Variants in CA12 observed in about 807,000 individuals in gnomAD.
CA12 encodes the protein carbonate dehydratase XII.
CA12 carries 36 observed loss-of-function variants against 46.8 expected under a neutral mutation model. The observed-to-expected ratio is 0.77, with a 90% confidence interval of 0.59 to 1.02. The LOEUF is 1.02. Among genes scored for constraint, CA12 ranks in the 50% least tolerant of loss-of-function variants. The pLI is 0.00. For synonymous variants in CA12, 202 were observed against 187.0 expected (o/e 1.08, Z -0.65); for missense variants, 436 against 451.4 (o/e 0.97, Z 0.31).
At chr15:63,380,695 ATGGGCACTG>A (rs1292415229) in intron 1 of CA12, among the ~76,000 whole-genome samples, 3 of 152,100 alleles carry the variant, frequency 2.0e-5, no homozygotes, top group African/African-American at 7.2e-5. Context: ...GCCCTTCCCC[ATGGGCACTG>A]TGACCTCCAA....
chr15:63,345,314 C>A lies in CA12; in HGVS notation c.429+163G>T, dbSNP rs368624306. ...CAGGACAGTGCAGATGAGCTACAGG[C>A]TAGTGGAGTGGCTGCGCCCCTTGTG... On this transcript the variant is annotated intron_variant, in intron 4 of 10. Coordinates refer to ENST00000178638, the MANE Select transcript of CA12 (RefSeq NM_001218.5). The surrounding 1 kb of genome is among the most constrained non-coding windows in gnomAD (Gnocchi z 4.3). Among the ~76,000 whole-genome samples, 4 of 152,352 alleles carry A rather than the reference C, an allele frequency of 2.6e-5. No homozygotes were observed. The highest frequency in any genetic ancestry group is 1.9e-4 in the East Asian group (1 of 5,188).
At chr15:63,368,542 T>G (rs1304364828) in intron 2 of CA12, among the ~76,000 whole-genome samples, 3 of 152,188 alleles carry the variant, frequency 2.0e-5, no homozygotes. Flanking sequence ...CCTTTTTACT[T>G]GAAAGATTTA....
At chr15:63,375,887 G>T (rs955059055) in intron 1 of CA12, among the ~76,000 whole-genome samples, 3 of 150,904 alleles carry the variant, frequency 2.0e-5, no homozygotes, top group South Asian at 2.1e-4. Context: ...TCGGCTCACT[G>T]CAACCTCTGC....
rs1221584983 is a variant in CA12 at position 63,373,612 on chromosome 15, A to C, written c.106+2046T>G. 6.6e-6 allele frequency among the ~76,000 whole-genome samples: 1 copy of C among 152,118 alleles called. No homozygotes were observed. The stretch of plus-strand genomic sequence containing the variant: ...GAGTGCAGCTAAGAATCACTTGGGG[A>C]GTGCGTTAAGAATACAGGTTTTTCA... On this transcript the variant is annotated intron_variant, in intron 2 of 10. Coordinates refer to ENST00000178638, the MANE Select transcript of CA12 (RefSeq NM_001218.5). The surrounding 1 kb of genome is among the most constrained non-coding windows in gnomAD (Gnocchi z 4.9).
chr15:63,338,844 C>T lies in CA12; in HGVS notation c.849G>A (p.Arg283=), dbSNP rs752130659. 1.2e-6 allele frequency: 2 copies of T among 1,614,186 alleles called. No individual in the cohort carries two copies. Among genetic ancestry groups the T allele is most frequent in the East Asian group, 4.5e-5 (2 of 44,884 alleles). ...CTTGGGAGAAGGAGGTGTATACCAGCCTCTCATCGAACTTCTGGACCTGCC... is the reference window on the plus strand; with the variant it reads ...CTTGGGAGAAGGAGGTGTATACCAGTCTCTCATCGAACTTCTGGACCTGCC... ...NFRQVQKFDE[R]LVYTSFSQVQ... is the part of the protein sequence containing the mutation. The change falls in exon 8 of 11, where the codon AGG becomes AGA. Residue 283 remains arginine, a synonymous_variant. Coordinates refer to ENST00000178638, the MANE Select transcript of CA12 (RefSeq NM_001218.5).
chr15:63,331,896 C>G lies in CA12; in HGVS notation c.875-3766G>C, dbSNP rs1427066865. 1.3e-5 allele frequency: 2 copies of G among 152,140 alleles called. No individual in the cohort carries two copies. The highest frequency in any genetic ancestry group is 2.9e-5 in the Non-Finnish European group (2 of 68,024). The allele number at this position is 152,140 out of a possible 1,614,324, so 9.4% of individuals were successfully genotyped here. A position where few individuals can be genotyped will look rare whatever the true frequency, so the allele number is the denominator to read the frequency against. The stretch of plus-strand genomic sequence containing the variant: ...AGAGTCCAGCACGAGGAACAAGCAC[C>G]TCACTTTCACATCTGGAGGTTCCTG... On this transcript the variant is annotated intron_variant, in intron 8 of 10. Transcript: ENST00000178638. The surrounding 1 kb of genome is among the most constrained non-coding windows in gnomAD (Gnocchi z 5.3).
At position 63,322,047 on chromosome 15, in the gene CA12, A is replaced by G. The variant is rs925706102; in HGVS notation, c.*4238T>C. On this transcript the variant is annotated 3_prime_UTR_variant, in exon 11 of 11. Coordinates refer to ENST00000178638, the MANE Select transcript of CA12 (RefSeq NM_001218.5). The surrounding 1 kb of genome is among the most constrained non-coding windows in gnomAD (Gnocchi z 4.1). ...TCGTCCGGGTCTGCGCAGGGCATGG[A>G]TCTTGAGCGCTTGGAATGTGACTTA... The G allele has an allele frequency of 1.3e-5, 2 of 152,100 alleles. No homozygotes were observed. Among genetic ancestry groups the G allele is most frequent in the African/African-American group, 4.8e-5 (2 of 41,404 alleles). 9.4% of individuals were successfully genotyped at this position (152,100 alleles called of 1,614,324 possible). A position where few individuals can be genotyped will look rare whatever the true frequency, so the allele number is the denominator to read the frequency against.
At chr15:63,351,142 A>C (rs953443629) in intron 2 of CA12, among the ~76,000 whole-genome samples, 1 of 152,224 alleles carries the variant, frequency 6.6e-6, no homozygotes, top group African/African-American at 2.4e-5. Context: ...TATGGCCTAG[A>C]TTACAGCTTG....
At chr15:63,346,904 T>C (rs772491606) in intron 2 of CA12, among the ~76,000 whole-genome samples, 195 bp from the exon 3 acceptor site, 7 of 152,170 alleles carry the variant, frequency 4.6e-5, no homozygotes, top group Non-Finnish European at 8.8e-5. Context: ...TCTTAAGTGA[T>C]GTGGGGAAAG....
chr15:63,338,686 G>T, intron 8 of CA12, 133 bp downstream of exon 8: 1 of 1,196,306 alleles, frequency 8.4e-7, no homozygotes, highest in Non-Finnish European at 1.2e-6. Context: ...CAAGGCGCCT[G>T]GTTCCCGTGG....
chr15:63,345,723 G>T lies in CA12; in HGVS notation c.287-104C>A. 7.0e-7 allele frequency: 1 copy of T among 1,433,692 alleles called. No individual in the cohort carries two copies. The highest frequency in any genetic ancestry group is 2.5e-5 in the East Asian group (1 of 40,528). The allele number at this position is 1,433,692 out of a possible 1,614,324, so 88.8% of individuals were successfully genotyped here. On this transcript the variant is annotated intron_variant, in intron 3 of 10. Coordinates refer to ENST00000178638, the MANE Select transcript of CA12 (RefSeq NM_001218.5). This position sits in a 1 kb window ranked among gnomAD's most constrained non-coding sequence, Gnocchi z 4.3. The stretch of plus-strand genomic sequence containing the variant: ...CCTCCACCCCTGCTGCCACCCCCTG[G>T]AGCCCAGAGAGAGGCAGGTGGATGG...
In CA12 at chr15:63,327,182, A is replaced by G. The variant is rs1278366112; in HGVS notation, c.959T>C (p.Val320Ala). 1.2e-6 allele frequency: 2 copies of G among 1,614,106 alleles called. No individual in the cohort carries two copies. Among genetic ancestry groups the G allele is most frequent in the Admixed American group, 3.3e-5 (2 of 60,022 alleles). ...LAGILGICIV[V>A]VVSIWLFRRK... is the part of the protein sequence containing the mutation. The stretch of plus-strand genomic sequence containing the variant: ...TCTGAAAAGCCAAATGGACACCACC[A>G]CCACAATACAGATGCCAAGAATGCC... The change falls in exon 10 of 11, where the codon GTG becomes GCG. Residue 320 changes from valine (V) to alanine (A), a missense_variant. Transcript: ENST00000178638. The surrounding 1 kb of genome is among the most constrained non-coding windows in gnomAD (Gnocchi z 4.5).
In CA12 at chr15:63,329,077, G is replaced by A. The variant is rs1483089405; in HGVS notation, c.875-947C>T. Among the ~76,000 whole-genome samples, 1 of 152,216 alleles carries A rather than the reference G, an allele frequency of 6.6e-6. No individual in the cohort carries two copies. Among genetic ancestry groups the A allele is most frequent in the Non-Finnish European group, 1.5e-5 (1 of 68,046 alleles). On this transcript the variant is annotated intron_variant, in intron 8 of 10. Coordinates refer to ENST00000178638, the MANE Select transcript of CA12 (RefSeq NM_001218.5). The surrounding 1 kb of genome is among the most constrained non-coding windows in gnomAD (Gnocchi z 4.8). ...TAGGGATCAAAGCCTGCTTGGGCAG[G>A]CTCCTGTCCATGTCCCTGGTACCTG...
rs999794460 is a variant in CA12 at position 63,330,997 on chromosome 15, T to G, written c.875-2867A>C. On this transcript the variant is annotated intron_variant, in intron 8 of 10. Transcript: ENST00000178638. The surrounding 1 kb of genome is among the most constrained non-coding windows in gnomAD (Gnocchi z 4.0). The stretch of plus-strand genomic sequence containing the variant: ...AAGCAGCTTGACTGAGCCAACATCA[T>G]AAGCTGTTAAGGAAGAGGAATGCCG... Among the ~76,000 whole-genome samples, 6 of 152,214 alleles carry G rather than the reference T, an allele frequency of 3.9e-5. No homozygotes were observed. Among genetic ancestry groups the G allele is most frequent in the East Asian group, 1.9e-4 (1 of 5,198 alleles).
chr15:63,326,191 G>T lies in CA12; in HGVS notation c.*94C>A. 1.1e-6 allele frequency: 1 copy of T among 947,986 alleles called. No homozygotes were observed. Among genetic ancestry groups the T allele is most frequent in the Non-Finnish European group, 1.7e-6 (1 of 578,270 alleles). The allele number at this position is 947,986 out of a possible 1,614,324, so 58.7% of individuals were successfully genotyped here. A position where few individuals can be genotyped will look rare whatever the true frequency, so the allele number is the denominator to read the frequency against. On this transcript the variant is annotated 3_prime_UTR_variant, in exon 11 of 11. Coordinates refer to ENST00000178638, the MANE Select transcript of CA12 (RefSeq NM_001218.5). ...GCATGTTTGCAGATTGAGCTACAGAGAACACCTTGAGGTGTCGCAAGTGTC... is the reference window on the plus strand; with the variant it reads ...GCATGTTTGCAGATTGAGCTACAGATAACACCTTGAGGTGTCGCAAGTGTC...
rs2039520631 is a variant in CA12 at position 63,372,553 on chromosome 15, C to A, written c.106+3105G>T. ...GGAGAATGACTCAGCAGTGTACGTG[C>A]AAAGAAGCTGAGTTCTGCACATGAG... is the stretch of plus-strand genomic sequence containing the variant. On this transcript the variant is annotated intron_variant, in intron 2 of 10. Transcript: ENST00000178638. This position sits in a 1 kb window ranked among gnomAD's most constrained non-coding sequence, Gnocchi z 4.5. Among the ~76,000 whole-genome samples, 1 of 152,330 alleles carries A rather than the reference C, an allele frequency of 6.6e-6. No individual in the cohort carries two copies. Among genetic ancestry groups the A allele is most frequent in the Admixed American group, 6.5e-5 (1 of 15,298 alleles).
chr15:63,338,678 A>G, intron 8 of CA12, 141 bp downstream of exon 8: 2 of 1,099,180 alleles, frequency 1.8e-6, no homozygotes, highest in South Asian at 1.3e-5. Context: ...TAGTCTCACA[A>G]GGCGCCTGGT....
Position 63,326,377 on chromosome 15 carries a change from T to C in CA12, c.993-20A>G. 6.3e-7 allele frequency: 1 copy of C among 1,597,524 alleles called. No homozygotes were observed. The highest frequency in any genetic ancestry group is 8.6e-7 in the Non-Finnish European group (1 of 1,165,180). ...TTGATACTAGAACAGAAAGAACACA[T>C]AACTCTTGTTAGAGAGGAGAGCGAG... On this transcript the variant is annotated intron_variant, in intron 10 of 10. Coordinates refer to ENST00000178638, the MANE Select transcript of CA12 (RefSeq NM_001218.5).
At chr15:63,363,520 C>T (rs566776045) in intron 2 of CA12, among the ~76,000 whole-genome samples, 1 of 152,354 alleles carries the variant, frequency 6.6e-6, no homozygotes, top group South Asian at 2.1e-4. Flanking sequence ...GATAACTCTT[C>T]TTGAGGGTAA....
Sources: gnomAD v4.1 joint callset for allele counts (sites outside exome capture counted in the v4.1 genomes callset) on GRCh38, gnomAD v4.1.1 for gene constraint, Gnocchi (gnomAD v3.1) non-coding constraint, MANE v1.5 for transcripts, NCBI Gene and HGNC (gene_info 2026-07-23, HGNC 2026-07-21) for gene names.